Variants in COL4A4 observed in about 807,000 individuals in gnomAD.
The protein encoded by COL4A4 is collagen type IV alpha 4 chain, also known as collagen alpha-4(IV) chain.
In COL4A4, 105 loss-of-function variants were observed where a neutral mutation model predicts 192.9. The ratio of observed to expected loss-of-function variants is 0.54; its 90% CI spans 0.46 to 0.64. The LOEUF (loss-of-function observed/expected upper bound fraction) is 0.64. COL4A4 is among the 30% of genes least tolerant of loss of function. The pLI is 0.00. For synonymous variants in COL4A4, 762 were observed against 769.9 expected (o/e 0.99, Z 0.17); for missense variants, 1,967 against 2,169.3 (o/e 0.91, Z 1.85).
intron 34 of COL4A4, among the ~76,000 whole-genome samples, chr2:227,049,834 G>A (rs998531081): frequency 6.6e-6 from 1 of 152,240 alleles, no homozygotes; most frequent in Non-Finnish European, 1.5e-5. Context: ...CTCTCACAGA[G>A]GAGGAAGACA....
intron 6 of COL4A4, among the ~76,000 whole-genome samples, chr2:227,119,433 A>G (rs954912746): frequency 6.7e-6 from 1 of 149,560 alleles, no homozygotes; most frequent in African/African-American, 2.4e-5. Context: ...AACAGATATT[A>G]TGATATATAA....
chr2:227,044,055 T>G (rs1234027565), intron 35 of COL4A4, among the ~76,000 whole-genome samples: 3 of 152,212 alleles, frequency 2.0e-5, no homozygotes, highest in African/African-American at 7.2e-5. Flanking sequence ...CAGAGCACAA[T>G]TCAGTTCTTC....
intron 24 of COL4A4, 50 bp downstream of exon 24, chr2:227,080,393 T>G (rs773238105): frequency 1.4e-6 from 2 of 1,464,754 alleles, no homozygotes; most frequent in Non-Finnish European, 1.9e-6. Flanking sequence ...GTTGTTTGTA[T>G]GACCATATAA....
chr2:227,065,189 A>G (rs532417199), intron 25 of COL4A4, among the ~76,000 whole-genome samples: 1 of 152,346 alleles, frequency 6.6e-6, no homozygotes, highest in African/African-American at 2.4e-5. Flanking sequence ...CGGGCTTAAA[A>G]AACGGCGCAC....
chr2:226,999,882 G>T (rs1960491531), downstream of COL4A4, among the ~76,000 whole-genome samples: 2 of 152,158 alleles, frequency 1.3e-5, no homozygotes, highest in Non-Finnish European at 2.9e-5. Flanking sequence ...TCCAGTGAGG[G>T]TTTCTGCCAG....
At chr2:227,101,623 A>T (rs2060527937) in intron 16 of COL4A4, 66 bp from the exon 17 acceptor site, 1 of 1,479,004 alleles carries the variant, frequency 6.8e-7, no homozygotes, top group Non-Finnish European at 9.4e-7. Context: ...TCTCATTCTC[A>T]TTTAATTTAA....
At position 227,121,056 on chromosome 2, in the gene COL4A4, C is replaced by G. The variant is rs773796669; in HGVS notation, c.285G>C (p.Gly95=). 1 of 1,614,028 alleles carries G rather than the reference C, an allele frequency of 6.2e-7. No homozygotes were observed. The highest frequency in any genetic ancestry group is 1.3e-5 in the African/African-American group (1 of 74,932). The change falls in exon 5 of 48, where the codon GGG becomes GGC. Residue 95 remains glycine (G), a synonymous_variant. Coordinates refer to ENST00000396625, the MANE Select transcript of COL4A4 (RefSeq NM_000092.5). ...IGLSGEKGMR[G]DRGPPGAAGD... The stretch of plus-strand genomic sequence containing the variant: ...CTGCTGCTCCAGGAGGGCCGCGGTC[C>G]CCTCTCATTCCTTTCTCTCCTGAAA...
intron 4 of COL4A4, among the ~76,000 whole-genome samples, chr2:227,133,898 A>G (rs537261889): frequency 6.6e-6 from 1 of 152,182 alleles, no homozygotes; most frequent in African/African-American, 2.4e-5. Context: ...AAAAAGAAAA[A>G]AAAAAAGAAA....
chr2:226,984,887 T>A, the COL4A4 span, among the ~76,000 whole-genome samples: 5 of 150,528 alleles, frequency 3.3e-5, no homozygotes, highest in African/African-American at 9.8e-5. Flanking sequence ...GATGGGCCTT[T>A]TATCTCACTT....
chr2:226,994,497 T>C, the COL4A4 span, among the ~76,000 whole-genome samples: 19 of 152,192 alleles, frequency 1.2e-4, no homozygotes, highest in Non-Finnish European at 2.5e-4. Flanking sequence ...CTGGTTGATG[T>C]AGGTGATGGG....
At chr2:227,031,808 C>T (rs2149975559) in intron 40 of COL4A4, 137 bp downstream of exon 40, 1 of 731,006 alleles carries the variant, frequency 1.4e-6, no homozygotes, top group East Asian at 2.7e-5. Context: ...TAACTGTGTC[C>T]CACTTATCGA....
intron 10 of COL4A4, 131 bp from the exon 11 acceptor site, chr2:227,108,999 C>T: frequency 2.0e-6 from 2 of 1,007,940 alleles, no homozygotes; most frequent in East Asian, 4.7e-5. Context: ...GATGGAGTTT[C>T]TATCATGGAT....
In COL4A4 at chr2:227,008,159, T is replaced by C. The variant is rs769205335; in HGVS notation, c.4668A>G (p.Glu1556=). Residue 1556 remains glutamate (E), a synonymous_variant, in exon 47 of 48, where the codon GAA becomes GAG. Transcript: ENST00000396625. ...GGCTGACATAGGGGCGGATCGCCTC[T>C]TCAGAGAGTGGCATCATGGGGAGGG... ...AAPLPMMPLS[E]EAIRPYVSRC... is the part of the protein sequence containing the mutation. 2.5e-6 allele frequency: 4 copies of C among 1,613,968 alleles called. No homozygotes were observed. The East Asian group carries it at 6.7e-5, about 27-fold the overall frequency.
Position 227,088,719 on chromosome 2 carries a change from G to C in COL4A4, c.1557C>G (p.Leu519=). ...GRQGSKGDLG[L]PGWLGTKGDP... ...CACCTTTTGTTCCAAGCCAGCCAGG[G>C]AGCCCCAAGTCTCCCTTACTCCCCT... The change falls in exon 22 of 48, where the codon CTC becomes CTG. Residue 519 remains leucine (L), a synonymous_variant. Coordinates refer to ENST00000396625, the MANE Select transcript of COL4A4 (RefSeq NM_000092.5). 1.2e-6 allele frequency: 2 copies of C among 1,614,080 alleles called. No homozygotes were observed. The highest frequency in any genetic ancestry group is 1.7e-6 in the Non-Finnish European group (2 of 1,180,000).
At chr2:227,089,002 C>T (rs976862901) in intron 21 of COL4A4, among the ~76,000 whole-genome samples, 186 bp from the exon 22 acceptor site, 2 of 152,114 alleles carry the variant, frequency 1.3e-5, no homozygotes, top group African/African-American at 2.4e-5. Flanking sequence ...GGTGCCTAGG[C>T]ATGGGATGTA....
chr2:227,025,857 CA>C, intron 42 of COL4A4, 47 bp from the exon 43 acceptor site: 1 of 1,591,840 alleles, frequency 6.3e-7, no homozygotes, highest in East Asian at 2.2e-5. Flanking sequence ...ATGATTTTCA[CA>C]GGGTGGAAAG....
chr2:227,012,786 A>G (rs1489797511), intron 44 of COL4A4, among the ~76,000 whole-genome samples: 3 of 152,110 alleles, frequency 2.0e-5, no homozygotes, highest in East Asian at 1.9e-4. Flanking sequence ...AGGTGCAGCA[A>G]TTTTTTAAAA....
intron 22 of COL4A4, among the ~76,000 whole-genome samples, chr2:227,085,109 C>T (rs1428716228): frequency 6.6e-6 from 1 of 150,442 alleles, no homozygotes; most frequent in East Asian, 2.0e-4. Flanking sequence ...CCAGCCTGGG[C>T]GACAAGAGTG....
At chr2:227,161,788 G>A (rs968391673) in intron 1 of COL4A4, among the ~76,000 whole-genome samples, 2 of 152,140 alleles carry the variant, frequency 1.3e-5, no homozygotes, top group African/African-American at 2.4e-5. Context: ...GGGATGCCAA[G>A]GCAAGGTTCT....
Sources: allele counts gnomAD v4.1 joint callset (sites outside exome capture counted in the v4.1 genomes callset), GRCh38; gene constraint gnomAD v4.1.1; transcripts MANE v1.5; gene names NCBI Gene and HGNC (gene_info 2026-07-23, HGNC 2026-07-21).